TNIK: variants seen among roughly 807,000 people sequenced by gnomAD.
The protein encoded by TNIK is TRAF2 and NCK interacting kinase.
In TNIK, 49 loss-of-function variants were observed where a neutral mutation model predicts 191.3. That is an observed-to-expected ratio of 0.26 (90% confidence interval 0.20 to 0.32). The LOEUF is 0.32. Among genes scored for constraint, TNIK ranks in the 10% least tolerant of loss-of-function variants. The pLI, the probability that TNIK is intolerant of heterozygous loss-of-function variation, is 1.00. For missense variants in TNIK, 1,155 were observed against 1,702.3 expected, an observed-to-expected ratio of 0.68 and a Z score of 5.66; for synonymous variants, 594 against 600.9, an observed-to-expected ratio of 0.99 and a Z score of 0.17.
chr3:171,083,511 G>A (rs927312490), intron 26 of TNIK, among the ~76,000 whole-genome samples: 3 of 152,182 alleles, frequency 2.0e-5, no homozygotes, highest in African/African-American at 7.2e-5. Flanking sequence ...CCAAGACTTT[G>A]ATAGAATCTC....
At chr3:171,130,531 T>C (rs537933086) in intron 15 of TNIK, among the ~76,000 whole-genome samples, 1 of 152,316 alleles carries the variant, frequency 6.6e-6, no homozygotes, top group South Asian at 2.1e-4. Context: ...TATTTGGCTA[T>C]TGCATTGAGC....
chr3:171,102,549 G>A (rs930243747), intron 21 of TNIK, among the ~76,000 whole-genome samples: 12 of 152,102 alleles, frequency 7.9e-5, no homozygotes, highest in East Asian at 3.9e-4. Context: ...AAGCATGGCC[G>A]CTCTAATTTG....
chr3:171,145,179 C>T (rs187416242), intron 12 of TNIK, among the ~76,000 whole-genome samples: 4 of 151,812 alleles, frequency 2.6e-5, no homozygotes, highest in Admixed American at 6.6e-5. Flanking sequence ...CTCCACCTCC[C>T]GGGTTCACGC....
At chr3:171,094,779 GC>G (rs1238937916) in intron 22 of TNIK, among the ~76,000 whole-genome samples, 1 of 152,078 alleles carries the variant, frequency 6.6e-6, no homozygotes, top group East Asian at 1.9e-4. Context: ...TGTCCCAACA[GC>G]CCCTCTTCTT....
intron 2 of TNIK, among the ~76,000 whole-genome samples, chr3:171,358,321 G>GTTCA (rs1379605336): frequency 1.3e-5 from 2 of 152,292 alleles, no homozygotes; most frequent in East Asian, 3.9e-4. Flanking sequence ...CACATGGCCG[G>GTTCA]GGAAGCCTCA....
chr3:171,101,489 G>A lies in TNIK; in HGVS notation c.2551C>T (p.His851Tyr), dbSNP rs772479325. ...EEEEDGESET[H>Y]DGTVAVSDIP... ...TCGCTGACAGCCACTGTCCCATCAT[G>A]GGTCTCGCTCTCTCCATCTTCCTCC... The change falls in exon 22 of 33, where the codon CAT (histidine) becomes TAT (tyrosine). Residue 851 changes from histidine to tyrosine, a missense_variant. His to Tyr is a moderately conservative substitution (Grantham distance 83). Around this residue, in one of 3 missense-constraint regions of TNIK, gnomAD observed 735 missense variants for 848.0 expected, o/e 0.87. Transcript: ENST00000436636. 16 of 1,612,968 alleles carry A rather than the reference G, an allele frequency of 9.9e-6. No homozygotes were observed. Among genetic ancestry groups the A allele is most frequent in the Non-Finnish European group, 1.1e-5 (13 of 1,179,426 alleles).
rs1462255467 is a variant in TNIK at position 171,063,265 on chromosome 3, T to C, written c.*616A>G. 6.6e-6 allele frequency: 1 copy of C among 152,240 alleles called. No homozygotes were observed. Among genetic ancestry groups the C allele is most frequent in the East Asian group, 1.9e-4 (1 of 5,202 alleles). The allele number at this position is 152,240 out of a possible 1,614,324, so 9.4% of individuals were successfully genotyped here. A position where few individuals can be genotyped will look rare whatever the true frequency, so the allele number is the denominator to read the frequency against. On this transcript the variant is annotated 3_prime_UTR_variant, in exon 33 of 33. Transcript: ENST00000436636. ...CAAAAGAGGGGAAAACTAGTATTTT[T>C]CTTCTCTTTTTAAAAATTCATTAGC...
chr3:171,372,257 A>G lies in TNIK; in HGVS notation c.58-2572T>C, dbSNP rs1716600185. On this transcript the variant is annotated intron_variant, in intron 1 of 32. Transcript: ENST00000436636. ...GCCTTTAGTTCAAACTGCTAGGAGA[A>G]GGTTTTTGCTGGACACATCCAAGGG... Among the ~76,000 whole-genome samples, 4 of 152,322 alleles carry G rather than the reference A, an allele frequency of 2.6e-5. No homozygotes were observed. The South Asian group carries it at 8.3e-4, about 32-fold the overall frequency.
At chr3:171,161,378 A>G (rs769199741) in intron 10 of TNIK, 42 bp from the exon 11 acceptor site, 1 of 1,587,932 alleles carries the variant, frequency 6.3e-7, no homozygotes, top group Non-Finnish European at 8.6e-7. Context: ...AAAAGATGCT[A>G]TGGCTCAGTA....
chr3:171,277,178 A>T (rs908040699), intron 2 of TNIK, among the ~76,000 whole-genome samples: 2 of 152,194 alleles, frequency 1.3e-5, no homozygotes, highest in African/African-American at 4.8e-5. Flanking sequence ...GTTATGATGC[A>T]GCAAGAAGGC....
chr3:171,430,595 T>A (rs753976964), intron 1 of TNIK, among the ~76,000 whole-genome samples: 35 of 143,956 alleles, frequency 2.4e-4, no homozygotes, highest in Non-Finnish European at 4.6e-4. Flanking sequence ...ACTAAGATTG[T>A]GCCACTGCAT....
At position 171,058,519 on chromosome 3, in the gene TNIK, G is replaced by A. The variant is rs1191086184; in HGVS notation, c.*5362C>T. ...ACCTATCAAAGCATTTTTAATGACT[G>A]CTTAGAATAACTGTAGAAAGTACTT... On this transcript the variant is annotated 3_prime_UTR_variant, in exon 33 of 33. Transcript: ENST00000436636. 6.6e-6 allele frequency among the ~76,000 whole-genome samples: 1 copy of A among 152,122 alleles called. No homozygotes were observed. The highest frequency in any genetic ancestry group is 1.5e-5 in the Non-Finnish European group (1 of 68,016).
At position 171,230,946 on chromosome 3, in the gene TNIK, T is replaced by A. The variant is rs1038729189; in HGVS notation, c.124-2725A>T. On this transcript the variant is annotated intron_variant, in intron 2 of 32. Transcript: ENST00000436636. Reference sequence around the variant, plus strand: ...CAGGGACTTGACTGCCCAACTCTAGTCTGCTCTGCCTCCCGACTCCCCTCA... The same window carrying A: ...CAGGGACTTGACTGCCCAACTCTAGACTGCTCTGCCTCCCGACTCCCCTCA... Among the ~76,000 whole-genome samples the A allele has an allele frequency of 6.0e-5, 9 of 150,736 alleles. No individual in the cohort carries two copies. In the East Asian group the frequency reaches 1.7e-3, roughly 29 times the overall value.
chr3:171,229,207 A>G (rs998000360), intron 2 of TNIK, among the ~76,000 whole-genome samples: 1 of 152,228 alleles, frequency 6.6e-6, no homozygotes, highest in Admixed American at 6.5e-5. Flanking sequence ...TGACAGTGAC[A>G]TATGCAGATT....
intron 12 of TNIK, among the ~76,000 whole-genome samples, chr3:171,153,426 T>A (rs758970870): frequency 6.6e-6 from 1 of 152,200 alleles, no homozygotes; most frequent in Non-Finnish European, 1.5e-5. Flanking sequence ...ACTACTACTA[T>A]TACTGTTGGC....
At chr3:171,136,061 G>GT (rs1013944190) in intron 15 of TNIK, among the ~76,000 whole-genome samples, 5 of 152,212 alleles carry the variant, frequency 3.3e-5, no homozygotes, top group Non-Finnish European at 7.3e-5. Context: ...GGTGAAAACT[G>GT]TTTCATGCTT....
chr3:171,231,669 A>G (rs1743667766), intron 2 of TNIK, among the ~76,000 whole-genome samples: 1 of 152,310 alleles, frequency 6.6e-6, no homozygotes, highest in Middle Eastern at 3.4e-3. Flanking sequence ...CCAAGTTATG[A>G]TCCAGATTAA....
At chr3:171,131,558 G>A (rs560661968) in intron 15 of TNIK, among the ~76,000 whole-genome samples, 1 of 152,212 alleles carries the variant, frequency 6.6e-6, no homozygotes, top group Admixed American at 6.5e-5. Context: ...TATGGCATAA[G>A]TAATTGTTAC....
In TNIK at chr3:171,138,234, T is replaced by A. The variant is rs1730311666; in HGVS notation, c.1565A>T (p.Lys522Ile). The A allele has an allele frequency of 2.5e-6, 4 of 1,612,762 alleles. No homozygotes were observed. Among genetic ancestry groups the A allele is most frequent in the Non-Finnish European group, 3.4e-6 (4 of 1,179,608 alleles). ...PVEKKPLYHYKEGMSPSEKPA... is the reference protein window; with the variant it reads ...PVEKKPLYHYIEGMSPSEKPA... ...CTTCTCACTAGGACTCATTCCTTCT[T>A]TGTAATGGTACAGTGGCTTCTTCTC... Residue 522 changes from lysine to isoleucine, a missense_variant, in exon 15 of 33, where the codon AAA becomes ATA. By Grantham distance (102) the Lys-to-Ile change is moderately radical (BLOSUM62 -3). Around this residue, in one of 3 missense-constraint regions of TNIK, gnomAD observed 735 missense variants for 848.0 expected, o/e 0.87. Transcript: ENST00000436636.
Sources: gnomAD v4.1 joint callset for allele counts (sites outside exome capture counted in the v4.1 genomes callset) on GRCh38, gnomAD v4.1.1 for gene constraint, gnomAD v4.1.1 regional missense constraint, MANE v1.5 for transcripts, NCBI Gene and HGNC (gene_info 2026-07-23, HGNC 2026-07-21) for gene names.